ALB: variants seen among roughly 807,000 people sequenced by gnomAD.
ALB encodes serum albumin.
A neutral mutation model predicts 74.5 loss-of-function variants in ALB; 37 were observed. That is an observed-to-expected ratio of 0.50 (90% CI 0.38 to 0.65). The LOEUF (loss-of-function observed/expected upper bound fraction) is 0.65, where lower values mean the gene tolerates loss of function less well. Ranked by LOEUF, ALB falls within the 30% of genes least tolerant of loss-of-function variation. ALB has a pLI of 0.00. For synonymous variants in ALB, 249 were observed against 251.6 expected (o/e 0.99, Z 0.10); for missense variants, 685 against 718.7 (o/e 0.95, Z 0.54).
chr4:73,413,529 A>C lies in ALB; in HGVS notation c.953A>C (p.Glu318Ala), dbSNP rs1718931037. ...LEKSHCIAEV[E>A]NDEMPADLPS... ...AAATCCCACTGCATTGCCGAAGTGG[A>C]AAATGATGAGATGCCTGCTGACTTG... Residue 318 changes from glutamate to alanine, a missense_variant, in exon 8 of 15, where the codon GAA becomes GCA. Glu to Ala is a moderately radical substitution (Grantham distance 107, BLOSUM62 -1). Coordinates refer to ENST00000295897, the MANE Select transcript of ALB (RefSeq NM_000477.7). 1 of 1,614,226 alleles carries C rather than the reference A, an allele frequency of 6.2e-7. No individual in the cohort carries two copies.
chr4:73,409,217 C>T (rs916184858), intron 4 of ALB, 138 bp from the exon 5 acceptor site: 11 of 877,176 alleles, frequency 1.3e-5, no homozygotes, highest in East Asian at 5.3e-5. Context: ...GAGACAAGAC[C>T]ATCATGTGCA....
chr4:73,406,726 G>T lies in ALB; in HGVS notation c.235G>T (p.Ala79Ser). 6.2e-7 allele frequency: 1 copy of T among 1,613,860 alleles called. No homozygotes were observed. Among genetic ancestry groups the T allele is most frequent in the Non-Finnish European group, 8.5e-7 (1 of 1,179,938 alleles). Reference protein sequence around the residue: ...EVTEFAKTCVADESAENCDKS... With the variant: ...EVTEFAKTCVSDESAENCDKS... ...AACTGAATTTGCAAAAACATGTGTT[G>T]CTGATGAGTCAGCTGAAAATTGTGA... Residue 79 changes from alanine to serine, a missense_variant, in exon 3 of 15, where the codon GCT becomes TCT. Physicochemically the swap from Ala to Ser is moderately conservative, Grantham distance 99. Coordinates refer to ENST00000295897, the MANE Select transcript of ALB (RefSeq NM_000477.7).
intron 2 of ALB, 25 bp from the exon 3 acceptor site, chr4:73,406,604 C>T (rs779158168): frequency 7.4e-6 from 12 of 1,612,086 alleles, no homozygotes; most frequent in Admixed American, 3.3e-5. Context: ...TATTATACTA[C>T]ATTTTTCTAC....
At chr4:73,415,750 C>G (rs1169700979) in intron 9 of ALB, among the ~76,000 whole-genome samples, 2 of 152,108 alleles carry the variant, frequency 1.3e-5, no homozygotes, top group African/African-American at 4.8e-5. Flanking sequence ...AGGCACCATG[C>G]ACAAACAATG....
chr4:73,416,366 T>C lies in ALB; in HGVS notation c.1289+13T>C. ...AATTCCAGAATGCGTAAGTAATTTTTATTGACTGATTTTTTTTATCAATTT... is the reference window on the plus strand; with the variant it reads ...AATTCCAGAATGCGTAAGTAATTTTCATTGACTGATTTTTTTTATCAATTT... On this transcript the variant is annotated intron_variant, in intron 10 of 14. Coordinates refer to ENST00000295897, the MANE Select transcript of ALB (RefSeq NM_000477.7). 6.3e-7 allele frequency: 1 copy of C among 1,586,098 alleles called. No individual in the cohort carries two copies. Among genetic ancestry groups the C allele is most frequent in the Non-Finnish European group, 8.6e-7 (1 of 1,158,690 alleles).
intron 8 of ALB, 77 bp from the exon 9 acceptor site, chr4:73,414,958 T>A: frequency 6.4e-7 from 1 of 1,555,730 alleles, no homozygotes; most frequent in Non-Finnish European, 8.8e-7. Context: ...GAATATGAGT[T>A]ACTTTTGAGA....
rs865945809 is a variant in ALB, at chr4:73,408,576, C to T, written c.271-18C>T. The T allele has an allele frequency of 6.2e-7, 1 of 1,611,204 alleles. No homozygotes were observed. The highest frequency in any genetic ancestry group is 8.5e-7 in the Non-Finnish European group (1 of 1,177,692). On this transcript the variant is annotated intron_variant, in intron 3 of 14. Transcript: ENST00000295897. ...AAAGGTACTGTCCAGCAACTGAAAC[C>T]TGCTTTCTTCCATTTAGCATACCCT...
chr4:73,417,490 G>A, intron 10 of ALB, 41 bp from the exon 11 acceptor site: 1 of 1,612,140 alleles, frequency 6.2e-7, no homozygotes, highest in South Asian at 1.1e-5. Context: ...ATGTTAGACA[G>A]TTTCTTGCCT....
chr4:73,419,698 G>A, intron 13 of ALB, 59 bp downstream of exon 13: 4 of 1,594,778 alleles, frequency 2.5e-6, no homozygotes, highest in Non-Finnish European at 3.4e-6. Flanking sequence ...GTTTGGTTAG[G>A]CTAGGGCTTA....
Position 73,417,613 on chromosome 4 carries a change from G to C in ALB, c.1372G>C (p.Gly458Arg), listed in dbSNP as rs766010920. Residue 458 changes from glycine to arginine, a missense_variant, in exon 11 of 15, where the codon GGC becomes CGC. By Grantham distance (125) the Gly-to-Arg change is moderately radical. Transcript: ENST00000295897. Reference sequence around the variant, plus strand: ...GGTCTCAAGAAACCTAGGAAAAGTGGGCAGCAAATGTTGTAAACATCCTGA... The same window carrying C: ...GGTCTCAAGAAACCTAGGAAAAGTGCGCAGCAAATGTTGTAAACATCCTGA... ...VEVSRNLGKVGSKCCKHPEAK... is the reference protein window; with the variant it reads ...VEVSRNLGKVRSKCCKHPEAK... 1 of 1,613,630 alleles carries C rather than the reference G, an allele frequency of 6.2e-7. No homozygotes were observed. Among genetic ancestry groups the C allele is most frequent in the South Asian group, 1.1e-5 (1 of 91,052 alleles).
intron 8 of ALB, among the ~76,000 whole-genome samples, chr4:73,414,460 G>A (rs1312818366): frequency 1.3e-5 from 2 of 152,026 alleles, no homozygotes; most frequent in Admixed American, 6.5e-5. Context: ...CACCTTCCGA[G>A]ACAGATACTA....
chr4:73,414,954 G>C (rs1202682305), intron 8 of ALB, 81 bp from the exon 9 acceptor site: 3 of 1,538,692 alleles, frequency 1.9e-6, no homozygotes, highest in Admixed American at 1.7e-5. Context: ...TTTGGAATAT[G>C]AGTTACTTTT....
In ALB at chr4:73,417,679, T is replaced by C. The variant is rs781430766; in HGVS notation, c.1428+10T>C. On this transcript the variant is annotated intron_variant, in intron 11 of 14. Coordinates refer to ENST00000295897, the MANE Select transcript of ALB (RefSeq NM_000477.7). ...CTGTGCAGAAGACTATGTGAGTCTT[T>C]AAAAAAATATAATAAATTAATAATG... 1 of 1,562,390 alleles carries C rather than the reference T, an allele frequency of 6.4e-7. No individual in the cohort carries two copies. Among genetic ancestry groups the C allele is most frequent in the Middle Eastern group, 1.7e-4 (1 of 5,854 alleles).
chr4:73,409,635 C>A, intron 5 of ALB, 148 bp downstream of exon 5: 2 of 996,082 alleles, frequency 2.0e-6, no homozygotes, highest in Non-Finnish European at 3.0e-6. Context: ...GAAAATCTTT[C>A]ATCTTTGAAG....
In ALB at chr4:73,408,766, G is replaced by A; in HGVS notation, c.443G>A (p.Cys148Tyr). The change falls in exon 4 of 15, where the codon TGC becomes TAC. Residue 148 changes from cysteine (C) to tyrosine (Y), a missense_variant. Coordinates refer to ENST00000295897, the MANE Select transcript of ALB (RefSeq NM_000477.7). The part of the protein sequence containing the change: ...RLVRPEVDVM[C>Y]TAFHDNEETF... ...GTGAGACCAGAGGTTGATGTGATGT[G>A]CACTGCTTTTCATGACAATGAAGAG... The A allele has an allele frequency of 6.2e-7, 1 of 1,613,914 alleles. No individual in the cohort carries two copies. The highest frequency in any genetic ancestry group is 8.5e-7 in the Non-Finnish European group (1 of 1,179,864).
In ALB at chr4:73,419,516, T is replaced by C; in HGVS notation, c.1662T>C (p.Val554=). The C allele has an allele frequency of 6.2e-7, 1 of 1,613,728 alleles. No homozygotes were observed. Among genetic ancestry groups the C allele is most frequent in the Non-Finnish European group, 8.5e-7 (1 of 1,179,826 alleles). ...ERQIKKQTAL[V]ELVKHKPKAT... The stretch of plus-strand genomic sequence containing the variant: ...TTCCATTCAAACTCAGTGCACTTGT[T>C]GAGCTCGTGAAACACAAGCCCAAGG... The change falls in exon 13 of 15, where the codon GTT becomes GTC. Residue 554 remains valine, a synonymous_variant. Coordinates refer to ENST00000295897, the MANE Select transcript of ALB (RefSeq NM_000477.7).
In ALB at chr4:73,413,543, C is replaced by A. The variant is rs1460806238; in HGVS notation, c.967C>A (p.Pro323Thr). The A allele has an allele frequency of 6.2e-7, 1 of 1,614,140 alleles. No individual in the cohort carries two copies. The highest frequency in any genetic ancestry group is 1.7e-5 in the Admixed American group (1 of 60,014). ...TGCCGAAGTGGAAAATGATGAGATG[C>A]CTGCTGACTTGCCTTCATTAGCTGC... ...CIAEVENDEM[P>T]ADLPSLAADF... Residue 323 changes from proline to threonine, a missense_variant, in exon 8 of 15, where the codon CCT becomes ACT. By Grantham distance (38) the Pro-to-Thr change is conservative. Transcript: ENST00000295897.
At chr4:73,420,825 A>C (rs1719124182) in intron 14 of ALB, 2 of 377,224 alleles carry the variant, frequency 5.3e-6, no homozygotes, top group Admixed American at 8.8e-5. Context: ...TGAACTTTAT[A>C]GTGAAGAATC....
Position 73,412,664 on chromosome 4 carries a change from C to T in ALB, c.843+539C>T, listed in dbSNP as rs9999941. Reference sequence around the variant, plus strand: ...TTCACCATATTGTCCAGACTGGTCTCGAACTCCTGACCTCAGGTGATCCAC... The same window carrying T: ...TTCACCATATTGTCCAGACTGGTCTTGAACTCCTGACCTCAGGTGATCCAC... On this transcript the variant is annotated intron_variant, in intron 7 of 14. Transcript: ENST00000295897. 2.6e-3 allele frequency among the ~76,000 whole-genome samples: 392 copies of T among 152,268 alleles called. 4 individuals are homozygous for T. Among genetic ancestry groups the T allele is most frequent in the African/African-American group, 8.8e-3 (365 of 41,556 alleles).
Sources: allele counts gnomAD v4.1 joint callset (sites outside exome capture counted in the v4.1 genomes callset), GRCh38; gene constraint gnomAD v4.1.1; transcripts MANE v1.5; gene names NCBI Gene and HGNC (gene_info 2026-07-23, HGNC 2026-07-21).